Variants in ZNF799 observed in about 807,000 individuals in gnomAD.
ZNF799 encodes zinc finger protein 799.
ZNF799 carries 28 observed loss-of-function variants against 41.0 expected under a neutral mutation model. The ratio of observed to expected loss-of-function variants is 0.68; its 90% CI spans 0.51 to 0.94. The LOEUF is 0.94. Among genes scored for constraint, ZNF799 ranks in the 40% least tolerant of loss-of-function variants. The probability of loss-of-function intolerance (pLI) is 0.00; values close to 1 mark genes in which losing one functional copy is unlikely to be tolerated. For missense variants in ZNF799, 716 were observed against 764.3 expected (o/e 0.94, Z 0.74); for synonymous variants, 213 against 252.9 (o/e 0.84, Z 1.50).
At chr19:12,393,884 T>C (rs985297450) in intron 1 of ZNF799, 2 of 331,198 alleles carry the variant, frequency 6.0e-6, no homozygotes, top group Non-Finnish European at 9.0e-6. Context: ...TAACTAATAA[T>C]AGGGGTGGAG....
Position 12,396,332 on chromosome 19 carries a change from T to C in ZNF799, c.4-2909A>G, listed in dbSNP as rs78005800. 7.5e-4 allele frequency among the ~76,000 whole-genome samples: 114 copies of C among 152,316 alleles called. 1 individual carries two copies. Among genetic ancestry groups the C allele is most frequent in the African/African-American group, 2.3e-3 (96 of 41,560 alleles). On this transcript the variant is annotated intron_variant, in intron 1 of 3. Coordinates refer to ENST00000430385, the MANE Select transcript of ZNF799 (RefSeq NM_001080821.3). ...CTAAAAGAAAACCAGAATACAGATA[T>C]AGAGATAAAATAATATCTATTAAAA...
chr19:12,391,734 C>A lies in ZNF799; in HGVS notation c.664G>T (p.Glu222Ter). Reference protein sequence around the residue: ...LHMHERTHTGEKPYECKQCSK... With the variant: ...LHMHERTHTG ...CACTGCTTACATTCATATGGTTTCT[C>A]TCCAGTGTGCGTTCTCTCATGCATA... Residue 222 changes from glutamate to a stop codon, truncating the protein, a stop_gained, in exon 4 of 4, where the codon GAG (glutamate) becomes TAG (stop). Coordinates refer to ENST00000430385, the MANE Select transcript of ZNF799 (RefSeq NM_001080821.3). LOFTEE classifies it low-confidence loss of function (END_TRUNC). The A allele has an allele frequency of 6.2e-7, 1 of 1,614,130 alleles. No individual in the cohort carries two copies. The highest frequency in any genetic ancestry group is 8.5e-7 in the Non-Finnish European group (1 of 1,179,996).
At chr19:12,408,208 A>G in the ZNF799 span, among the ~76,000 whole-genome samples, 134 of 152,288 alleles carry the variant, frequency 8.8e-4, 1 homozygote, top group Middle Eastern at 0.02. Context: ...AACAAGTAGT[A>G]TAGTATAATA....
intron 1 of ZNF799, among the ~76,000 whole-genome samples, chr19:12,398,911 A>C (rs1358727919): frequency 1.3e-5 from 2 of 152,182 alleles, no homozygotes; most frequent in African/African-American, 4.8e-5. Flanking sequence ...AAAATAAATA[A>C]AGGTTTTTAA....
At chr19:12,395,879 C>G (rs1452495444) in intron 1 of ZNF799, among the ~76,000 whole-genome samples, 1 of 152,240 alleles carries the variant, frequency 6.6e-6, no homozygotes, top group Non-Finnish European at 1.5e-5. Context: ...CTTTTGTATG[C>G]TTTATCTTTT....
chr19:12,407,560 AT>A, the ZNF799 span, among the ~76,000 whole-genome samples: 1 of 152,198 alleles, frequency 6.6e-6, no homozygotes, highest in Admixed American at 6.5e-5. Flanking sequence ...AAACATACAT[AT>A]GCAAACTACA....
At chr19:12,394,663 G>C in intron 1 of ZNF799, 1 of 985,356 alleles carries the variant, frequency 1.0e-6, no homozygotes, top group Non-Finnish European at 1.2e-6. Context: ...AAAGGGGAAA[G>C]AAAGAAGGGG....
chr19:12,390,442 C>T lies in ZNF799; in HGVS notation c.*24G>A, dbSNP rs1969789479. The T allele has an allele frequency of 6.2e-7, 1 of 1,608,452 alleles. No homozygotes were observed. The highest frequency in any genetic ancestry group is 1.1e-5 in the South Asian group (1 of 90,086). On this transcript the variant is annotated 3_prime_UTR_variant, in exon 4 of 4. Transcript: ENST00000430385. The stretch of plus-strand genomic sequence containing the variant: ...AATAAAATTAATAAATGCTTTCCCA[C>T]ATTCCATACATTTAGAGAGAATGCT...
At chr19:12,408,990 G>A in the ZNF799 span, among the ~76,000 whole-genome samples, 122 of 151,930 alleles carry the variant, frequency 8.0e-4, no homozygotes, top group African/African-American at 2.7e-3. Context: ...AGCCGAGATC[G>A]CGCCATTGCA....
the ZNF799 span, among the ~76,000 whole-genome samples, chr19:12,410,898 C>T: frequency 6.6e-6 from 1 of 152,162 alleles, no homozygotes; most frequent in East Asian, 1.9e-4. Flanking sequence ...TACGAACGGG[C>T]ATAATCTATT....
intron 1 of ZNF799, chr19:12,394,717 A>G (rs933755404): frequency 1.0e-6 from 1 of 985,282 alleles, no homozygotes; most frequent in Non-Finnish European, 1.2e-6. Flanking sequence ...GTCATCTCTC[A>G]TGAATATTTA....
rs140038019 is a variant in ZNF799 at position 12,393,837 on chromosome 19, A to G, written c.4-414T>C. The G allele has an allele frequency of 7.0e-3, 5,960 of 850,546 alleles. 311 individuals carry two copies. In the African/African-American group the frequency reaches 0.1, roughly 14 times the overall value. 52.7% of individuals were successfully genotyped at this position (850,546 alleles called of 1,614,324 possible). A position where few individuals can be genotyped will look rare whatever the true frequency, so the allele number is the denominator to read the frequency against. On this transcript the variant is annotated intron_variant, in intron 1 of 3. Coordinates refer to ENST00000430385, the MANE Select transcript of ZNF799 (RefSeq NM_001080821.3). ...TTCACAAAGTTGGGCTTTTCATGGT[A>G]TCTAGACAGTGTATTTAGGGGAGGG...
chr19:12,404,974 T>C (rs1970019307), upstream of ZNF799, among the ~76,000 whole-genome samples: 1 of 152,068 alleles, frequency 6.6e-6, no homozygotes, highest in African/African-American at 2.4e-5. Flanking sequence ...CCACCATTAA[T>C]CTGGTGGGCA....
the ZNF799 span, among the ~76,000 whole-genome samples, chr19:12,413,928 G>C: frequency 1.3e-5 from 2 of 152,288 alleles, no homozygotes; most frequent in African/African-American, 4.8e-5. Context: ...CCCTCCTCCC[G>C]TCTCCGGACC....
chr19:12,394,468 T>G (rs1340449694), intron 1 of ZNF799: 8 of 586,178 alleles, frequency 1.4e-5, no homozygotes, highest in Non-Finnish European at 1.7e-5. Flanking sequence ...TAGATAACAT[T>G]TCACGTTTTG....
chr19:12,401,541 C>CT (rs769048606), upstream of ZNF799, among the ~76,000 whole-genome samples: 2,717 of 41,756 alleles, frequency 0.065, 498 homozygotes, highest in Admixed American at 0.16. Flanking sequence ...AACAATTATA[C>CT]TTTTTTTTTT....
the ZNF799 span, among the ~76,000 whole-genome samples, chr19:12,409,375 T>G: frequency 6.6e-6 from 1 of 152,214 alleles, no homozygotes; most frequent in Admixed American, 6.5e-5. Context: ...GTCCACAGCC[T>G]GGAGGCTGGC....
At chr19:12,411,827 GGT>G in the ZNF799 span, among the ~76,000 whole-genome samples, 1 of 152,046 alleles carries the variant, frequency 6.6e-6, no homozygotes, top group Non-Finnish European at 1.5e-5. Flanking sequence ...TGGTCAGGCT[GGT>G]ATCGAACTCC....
rs1134428 is a variant in ZNF799, at chr19:12,390,126, G to T, written c.*340C>A. 843 of 406,716 alleles carry T rather than the reference G, an allele frequency of 2.1e-3. 2 individuals carry two copies. Among genetic ancestry groups the T allele is most frequent in the African/African-American group, 0.014 (706 of 49,878 alleles). The allele number at this position is 406,716 out of a possible 1,614,324, so 25.2% of individuals were successfully genotyped here. On this transcript the variant is annotated 3_prime_UTR_variant, in exon 4 of 4. Coordinates refer to ENST00000430385, the MANE Select transcript of ZNF799 (RefSeq NM_001080821.3). ...ACATAGACTCTTTTCCTTATCATGA[G>T]TCCCTAAACAATACAATAGAACAAC...
Sources: allele counts gnomAD v4.1 joint callset (sites outside exome capture counted in the v4.1 genomes callset), GRCh38; gene constraint gnomAD v4.1.1; transcripts MANE v1.5; gene names NCBI Gene and HGNC (gene_info 2026-07-23, HGNC 2026-07-21).